The following CAMK4 variants were observed in gnomAD, a reference collection of about 807,000 sequenced individuals.
CAMK4 encodes calcium/calmodulin-dependent protein kinase type IV.
A neutral mutation model predicts 44.9 loss-of-function variants in CAMK4; 22 were observed. That is an observed-to-expected ratio of 0.49 (90% CI 0.35 to 0.70). CAMK4 has a LOEUF of 0.70. Among genes scored for constraint, CAMK4 ranks in the 30% least tolerant of loss-of-function variants. The pLI is 0.01. For synonymous variants in CAMK4, 218 were observed against 215.4 expected (o/e 1.01, Z -0.11); for missense variants, 498 against 586.8 (o/e 0.85, Z 1.56).
chr5:111,373,543 G>GA (rs1751092572), intron 2 of CAMK4, among the ~76,000 whole-genome samples: 1 of 152,102 alleles, frequency 6.6e-6, no homozygotes, highest in Non-Finnish European at 1.5e-5. Context: ...ATTAAAGAAT[G>GA]AAAATTAAAT....
At chr5:111,273,811 T>C (rs1750644767) in intron 1 of CAMK4, among the ~76,000 whole-genome samples, 1 of 148,658 alleles carries the variant, frequency 6.7e-6, no homozygotes, top group South Asian at 2.1e-4. Context: ...ACATAGAACA[T>C]TTTATGTTTG....
intron 1 of CAMK4, among the ~76,000 whole-genome samples, chr5:111,237,217 C>G (rs1354682942): frequency 1.3e-5 from 2 of 152,162 alleles, no homozygotes; most frequent in African/African-American, 4.8e-5. Context: ...CCTTTTGAAC[C>G]CAGGGAGCTC....
At chr5:111,301,078 G>T (rs950770167) in intron 1 of CAMK4, among the ~76,000 whole-genome samples, 114 of 146,664 alleles carry the variant, frequency 7.8e-4, no homozygotes, top group African/African-American at 2.6e-3. Context: ...TGGCTTACTG[G>T]TTTTTTTTTT....
At chr5:111,438,642 G>A (rs1753727417) in intron 5 of CAMK4, among the ~76,000 whole-genome samples, 1 of 152,106 alleles carries the variant, frequency 6.6e-6, no homozygotes, top group Admixed American at 6.6e-5. Context: ...AGACAAATGT[G>A]CTCAAAGAGT....
chr5:111,309,653 G>A (rs535510737), intron 1 of CAMK4, among the ~76,000 whole-genome samples: 5 of 152,160 alleles, frequency 3.3e-5, no homozygotes, highest in South Asian at 4.1e-4. Flanking sequence ...CTTCTATTCC[G>A]ACTTGTTCAC....
chr5:111,362,445 GAT>G (rs34939634), intron 2 of CAMK4, among the ~76,000 whole-genome samples: 54,072 of 151,504 alleles, frequency 0.36, 10,440 homozygotes, highest in South Asian at 0.51. Context: ...TTGTGTAAAA[GAT>G]AACAAAATTT....
chr5:111,402,948 G>A lies in CAMK4; in HGVS notation c.459+8166G>A, dbSNP rs568937041. Among the ~76,000 whole-genome samples, 9 of 152,210 alleles carry A rather than the reference G, an allele frequency of 5.9e-5. No homozygotes were observed. In the South Asian group the frequency reaches 6.2e-4, roughly 11 times the overall value. ...GATAAATACAGTTTCTCAATGTTTC[G>A]GTTTTAAATTATATGCCCTGTTACT... On this transcript the variant is annotated intron_variant, in intron 5 of 10. Transcript: ENST00000282356.
intron 8 of CAMK4, among the ~76,000 whole-genome samples, chr5:111,477,142 C>T (rs972359366): frequency 6.6e-5 from 10 of 152,180 alleles, no homozygotes; most frequent in Admixed American, 3.3e-4. Context: ...TTAGGCTGCT[C>T]TTCCACAGGT....
intron 1 of CAMK4, among the ~76,000 whole-genome samples, chr5:111,246,551 A>G (rs1047200974): frequency 9.9e-5 from 15 of 152,154 alleles, no homozygotes; most frequent in African/African-American, 3.6e-4. Flanking sequence ...TTGCTCTCCC[A>G]GGTGTGTTGG....
chr5:111,310,323 T>G (rs1748146243), intron 1 of CAMK4, among the ~76,000 whole-genome samples: 1 of 152,238 alleles, frequency 6.6e-6, no homozygotes, highest in African/African-American at 2.4e-5. Flanking sequence ...AAGTGTTATC[T>G]GTGTACTTAT....
At chr5:111,469,429 T>C (rs1042268795) in intron 7 of CAMK4, among the ~76,000 whole-genome samples, 1 of 152,086 alleles carries the variant, frequency 6.6e-6, no homozygotes, top group Non-Finnish European at 1.5e-5. Flanking sequence ...AGTACAGTGC[T>C]TCACAAAGAA....
chr5:111,223,645 G>A (rs1376954823), upstream of CAMK4: 2 of 152,338 alleles, frequency 1.3e-5, no homozygotes, highest in African/African-American at 4.8e-5. The surrounding 1 kb of genome is among the most constrained non-coding windows in gnomAD (Gnocchi z 4.3). Flanking sequence ...CAGCAGTGCC[G>A]AGGAGGCAGT....
At chr5:111,226,768 G>T (rs1748212684) in intron 1 of CAMK4, among the ~76,000 whole-genome samples, 1 of 152,220 alleles carries the variant, frequency 6.6e-6, no homozygotes, top group Non-Finnish European at 1.5e-5. Flanking sequence ...GTGGCTAATG[G>T]CCGGTGCCCA....
rs571325449 is a variant in CAMK4 at position 111,454,385 on chromosome 5, C to G, written c.625+5182C>G. ...ATCCATTCTGTCTCTTTCATAGAAC[C>G]CTTGCCCCAGGCTATTAATAAACAG... On this transcript the variant is annotated intron_variant, in intron 7 of 10. Coordinates refer to ENST00000282356, the MANE Select transcript of CAMK4 (RefSeq NM_001744.6). 2.0e-5 allele frequency among the ~76,000 whole-genome samples: 3 copies of G among 152,108 alleles called. No homozygotes were observed. In the East Asian group the frequency reaches 5.8e-4, roughly 29 times the overall value.
At chr5:111,227,344 A>T (rs1189633876) in intron 1 of CAMK4, among the ~76,000 whole-genome samples, 2 of 152,194 alleles carry the variant, frequency 1.3e-5, no homozygotes, top group African/African-American at 2.4e-5. Flanking sequence ...CTTTGGACCA[A>T]ATCCACCTGC....
intron 8 of CAMK4, among the ~76,000 whole-genome samples, chr5:111,477,722 G>A (rs915762378): frequency 6.6e-6 from 1 of 152,082 alleles, no homozygotes; most frequent in Non-Finnish European, 1.5e-5. Flanking sequence ...CATCTCTTTG[G>A]CTGCATCTGG....
intron 7 of CAMK4, among the ~76,000 whole-genome samples, chr5:111,463,881 A>G (rs1266505885): frequency 6.6e-6 from 1 of 152,132 alleles, no homozygotes; most frequent in African/African-American, 2.4e-5. Flanking sequence ...GACATAGTCC[A>G]CCCAAATGAG....
intron 5 of CAMK4, among the ~76,000 whole-genome samples, chr5:111,442,790 CATA>C (rs921672498): frequency 1.7e-4 from 25 of 147,980 alleles, no homozygotes; most frequent in African/African-American, 4.7e-4. Flanking sequence ...ATCTTATTAA[CATA>C]ATATTAATAT....
chr5:111,227,694 C>T (rs1748263499), intron 1 of CAMK4, among the ~76,000 whole-genome samples: 1 of 152,208 alleles, frequency 6.6e-6, no homozygotes, highest in South Asian at 2.1e-4. Context: ...CCATTGAGAC[C>T]AAGACAGATG....
Sources: allele counts gnomAD v4.1 joint callset (sites outside exome capture counted in the v4.1 genomes callset), GRCh38; gene constraint gnomAD v4.1.1; non-coding constraint Gnocchi (gnomAD v3.1); transcripts MANE v1.5; gene names NCBI Gene and HGNC (gene_info 2026-07-23, HGNC 2026-07-21).